Variants in CDH4 observed in about 807,000 individuals in gnomAD.
CDH4 encodes cadherin-4.
Under a neutral mutation model 86.0 loss-of-function variants are expected in CDH4, and 33 were observed. That is an observed-to-expected ratio of 0.38 (90% CI 0.29 to 0.51). CDH4 has a LOEUF of 0.51. Ranked by LOEUF, CDH4 falls within the 20% of genes least tolerant of loss-of-function variation. The probability of loss-of-function intolerance (pLI) is 0.86; values close to 1 mark genes in which losing one functional copy is unlikely to be tolerated. For missense variants in CDH4, 1,114 were observed against 1,307.4 expected, an observed-to-expected ratio of 0.85 and a Z score of 2.28; for synonymous variants, 555 against 549.4, an observed-to-expected ratio of 1.01 and a Z score of -0.14.
intron 2 of CDH4, among the ~76,000 whole-genome samples, chr20:61,595,746 T>C (rs1005946779): frequency 6.6e-6 from 1 of 152,184 alleles, no homozygotes; most frequent in Non-Finnish European, 1.5e-5. Context: ...GTGTTGTTGG[T>C]ACACTGCAGA....
At chr20:61,461,771 T>C (rs2085444677) in intron 2 of CDH4, among the ~76,000 whole-genome samples, 1 of 152,230 alleles carries the variant, frequency 6.6e-6, no homozygotes, top group South Asian at 2.1e-4. Context: ...ACGCATGATG[T>C]TTGCAGGGGA....
At chr20:61,586,418 C>T (rs2086475864) in intron 2 of CDH4, among the ~76,000 whole-genome samples, 1 of 152,154 alleles carries the variant, frequency 6.6e-6, no homozygotes, top group Non-Finnish European at 1.5e-5. Flanking sequence ...TCCCAGCTGA[C>T]CCCATAACCA....
chr20:61,494,118 G>T (rs748204584), intron 2 of CDH4, among the ~76,000 whole-genome samples: 19 of 152,236 alleles, frequency 1.2e-4, no homozygotes, highest in Admixed American at 3.3e-4. Flanking sequence ...GGAGCGCTCA[G>T]TGGGGCCGAG....
intron 4 of CDH4, among the ~76,000 whole-genome samples, chr20:61,814,945 G>A (rs1363090260): frequency 6.6e-6 from 1 of 152,200 alleles, no homozygotes; most frequent in Non-Finnish European, 1.5e-5. Context: ...GCTCTGCAAA[G>A]CCCAGGGTGT....
At chr20:61,583,291 C>CG (rs1249329711) in intron 2 of CDH4, among the ~76,000 whole-genome samples, 1 of 39,478 alleles carries the variant, frequency 2.5e-5, no homozygotes, top group Non-Finnish European at 5.2e-5. Flanking sequence ...GACGGTTCTG[C>CG]GGGGGGACAG....
chr20:61,655,015 C>T lies in CDH4; in HGVS notation c.170-88548C>T, dbSNP rs1224628028. Among the ~76,000 whole-genome samples, 11 of 152,348 alleles carry T rather than the reference C, an allele frequency of 7.2e-5. No individual in the cohort carries two copies. The East Asian group carries it at 1.7e-3, about 24-fold the overall frequency. On this transcript the variant is annotated intron_variant, in intron 2 of 15. Transcript: ENST00000614565. ...AGTGCTGGCTGCTGTGGGGAGGAGG[C>T]GACACTGGGTCCCAGGGTGGAATTT...
chr20:61,579,284 GAT>G (rs1491365544), intron 2 of CDH4, among the ~76,000 whole-genome samples: 5 of 104,222 alleles, frequency 4.8e-5, no homozygotes, highest in African/African-American at 1.9e-4. Flanking sequence ...CCTCGATGGA[GAT>G]TTTTTTTTTT....
intron 2 of CDH4, among the ~76,000 whole-genome samples, chr20:61,405,902 G>A (rs1223908449): frequency 6.6e-6 from 1 of 152,074 alleles, no homozygotes; most frequent in Non-Finnish European, 1.5e-5. Context: ...AGATGGTCTC[G>A]ATCTCCTGAC....
chr20:61,389,159 C>T (rs991921080), intron 2 of CDH4, among the ~76,000 whole-genome samples: 56 of 152,252 alleles, frequency 3.7e-4, no homozygotes, highest in African/African-American at 1.4e-3. Context: ...CCACAGTCCC[C>T]AGGCCCAGCC....
chr20:61,344,550 T>C (rs1336911815), intron 2 of CDH4, among the ~76,000 whole-genome samples: 1 of 152,218 alleles, frequency 6.6e-6, no homozygotes, highest in African/African-American at 2.4e-5. Context: ...GTATTTTTGT[T>C]TTCTATATTT....
At chr20:61,395,166 A>G (rs920117436) in intron 2 of CDH4, among the ~76,000 whole-genome samples, 10 of 151,844 alleles carry the variant, frequency 6.6e-5, no homozygotes, top group Admixed American at 3.3e-4. Flanking sequence ...TAATCCTGAA[A>G]TTTCACTTTG....
At chr20:61,563,307 C>T (rs2086236474) in intron 2 of CDH4, among the ~76,000 whole-genome samples, 1 of 152,216 alleles carries the variant, frequency 6.6e-6, no homozygotes, top group Non-Finnish European at 1.5e-5. Context: ...CAATCAGCTT[C>T]CGTTTCTGCT....
intron 2 of CDH4, among the ~76,000 whole-genome samples, chr20:61,694,168 C>T (rs1275781352): frequency 2.6e-5 from 4 of 152,074 alleles, no homozygotes; most frequent in African/African-American, 9.7e-5. Flanking sequence ...AGGTGTGAGC[C>T]ACCATGCCCA....
chr20:61,772,815 AT>A lies in CDH4; in HGVS notation c.397-177del, dbSNP rs376341349. On this transcript the variant is annotated intron_variant, in intron 3 of 15. Coordinates refer to ENST00000614565, the MANE Select transcript of CDH4 (RefSeq NM_001794.5). ...ATCATATTGATGGGGGTCTCACTTG[AT>A]TTTTTTTTTTCCCTAATAGTTCCTT... Among the ~76,000 whole-genome samples, 1,060 of 144,480 alleles carry A rather than the reference AT, an allele frequency of 7.3e-3. 10 individuals carry two copies. Among genetic ancestry groups the A allele is most frequent in the African/African-American group, 0.024 (958 of 39,420 alleles). 94.8% of individuals were successfully genotyped at this position (144,480 alleles called of 152,430 possible). A position where few individuals can be genotyped will look rare whatever the true frequency, so the allele number is the denominator to read the frequency against.
rs2088541600 is a variant in CDH4, at chr20:61,754,809, C to T, written c.396+11020C>T. Among the ~76,000 whole-genome samples, 1 of 149,956 alleles carries T rather than the reference C, an allele frequency of 6.7e-6. No individual in the cohort carries two copies. Among genetic ancestry groups the T allele is most frequent in the Non-Finnish European group, 1.5e-5 (1 of 67,508 alleles). ...CACACTGCACGCCACACACACCACACACACGATGCATGCCACACACCACAC... is the reference window on the plus strand; with the variant it reads ...CACACTGCACGCCACACACACCACATACACGATGCATGCCACACACCACAC... On this transcript the variant is annotated intron_variant, in intron 3 of 15. Coordinates refer to ENST00000614565, the MANE Select transcript of CDH4 (RefSeq NM_001794.5). This position sits in a 1 kb window ranked among gnomAD's most constrained non-coding sequence, Gnocchi z 4.7.
intron 2 of CDH4, among the ~76,000 whole-genome samples, chr20:61,553,526 G>GT (rs2086151185): frequency 6.6e-6 from 1 of 152,184 alleles, no homozygotes. Context: ...GAACATCCTT[G>GT]TGCATGTCCT....
chr20:61,786,856 G>A lies in CDH4; in HGVS notation c.576+13674G>A, dbSNP rs1414582550. 2.6e-5 allele frequency among the ~76,000 whole-genome samples: 4 copies of A among 152,332 alleles called. No homozygotes were observed. The East Asian group carries it at 7.7e-4, about 29-fold the overall frequency. On this transcript the variant is annotated intron_variant, in intron 4 of 15. Transcript: ENST00000614565. The stretch of plus-strand genomic sequence containing the variant: ...CTGCCAGGCCAGCTCCAGGACTGCT[G>A]ACCAGACATTGTCTAGGTGCTAATG...
At chr20:61,933,986 G>C in intron 14 of CDH4, 70 bp from the exon 15 acceptor site, 1 of 1,561,216 alleles carries the variant, frequency 6.4e-7, no homozygotes. Context: ...TGACAGAAAA[G>C]GATGCAGGGT....
intron 2 of CDH4, among the ~76,000 whole-genome samples, chr20:61,489,210 A>G (rs1003750279): frequency 6.6e-6 from 1 of 152,154 alleles, no homozygotes; most frequent in Non-Finnish European, 1.5e-5. Context: ...GGGGTCTTCA[A>G]TTGCTTGACA....
Sources: allele counts gnomAD v4.1 joint callset (sites outside exome capture counted in the v4.1 genomes callset), GRCh38; gene constraint gnomAD v4.1.1; non-coding constraint Gnocchi (gnomAD v3.1); transcripts MANE v1.5; gene names NCBI Gene and HGNC (gene_info 2026-07-23, HGNC 2026-07-21).